TBX15: variants seen among roughly 807,000 people sequenced by gnomAD.
The protein encoded by TBX15 is T-box transcription factor TBX15.
A neutral mutation model predicts 53.9 loss-of-function variants in TBX15; 18 were observed. The ratio of observed to expected loss-of-function variants is 0.33; its 90% CI spans 0.23 to 0.49. TBX15 has a LOEUF of 0.49. Ranked by LOEUF, TBX15 falls within the 20% of genes least tolerant of loss-of-function variation. The pLI is 0.98. For synonymous variants in TBX15, 295 were observed against 278.0 expected, an observed-to-expected ratio of 1.06 and a Z score of -0.61; for missense variants, 692 against 749.5, an observed-to-expected ratio of 0.92 and a Z score of 0.90.
At position 118,988,104 on chromosome 1, in the gene TBX15, C is replaced by G. The variant is rs1657905184; in HGVS notation, c.-309G>C. 8 of 456,636 alleles carry G rather than the reference C, an allele frequency of 1.8e-5. No individual in the cohort carries two copies. In the South Asian group the frequency reaches 2.5e-4, roughly 15 times the overall value. 28.3% of individuals were successfully genotyped at this position (456,636 alleles called of 1,614,324 possible). ...CGGGGCAGGCGCTCACAGACTGTGTCCACTGAACTTCATCTTGTTTTTGTT... is the reference window on the plus strand; with the variant it reads ...CGGGGCAGGCGCTCACAGACTGTGTGCACTGAACTTCATCTTGTTTTTGTT... On this transcript the variant is annotated 5_prime_UTR_variant, in exon 1 of 8. Transcript: ENST00000369429.
chr1:118,953,638 T>C (rs1656589003), intron 1 of TBX15, among the ~76,000 whole-genome samples: 1 of 152,240 alleles, frequency 6.6e-6, no homozygotes, highest in African/African-American at 2.4e-5. Context: ...CATATGGGAA[T>C]TATCTGAAAC....
chr1:118,920,689 A>G (rs1655396941), intron 5 of TBX15, among the ~76,000 whole-genome samples: 4 of 152,196 alleles, frequency 2.6e-5, no homozygotes, highest in Non-Finnish European at 2.9e-5. Context: ...CTTGTGAGAC[A>G]TTAAGCTTGC....
chr1:118,941,280 C>A (rs1037039102), intron 1 of TBX15, among the ~76,000 whole-genome samples: 2 of 152,164 alleles, frequency 1.3e-5, no homozygotes, highest in Non-Finnish European at 2.9e-5. Context: ...AGAATGTTCC[C>A]ACTGAGCACC....
chr1:118,959,802 T>C (rs1050065969), intron 1 of TBX15, among the ~76,000 whole-genome samples: 1 of 152,172 alleles, frequency 6.6e-6, no homozygotes, highest in Non-Finnish European at 1.5e-5. Context: ...ATAAATTCAG[T>C]ACATCCAAAG....
At chr1:118,890,885 C>A in intron 7 of TBX15, 1 of 1,303,840 alleles carries the variant, frequency 7.7e-7, no homozygotes, top group Non-Finnish European at 1.0e-6. Flanking sequence ...ATGAGCCAGA[C>A]TCTTCTCTCG....
upstream of TBX15, among the ~76,000 whole-genome samples, chr1:118,989,102 C>T (rs1657952143): frequency 6.6e-6 from 1 of 152,210 alleles, no homozygotes; most frequent in African/African-American, 2.4e-5. Context: ...CTGCGCTTCG[C>T]CTGTTCCGGG....
chr1:118,885,194 T>A lies in TBX15; in HGVS notation c.1347A>T (p.Gly449=), dbSNP rs1276627292. 1 of 1,614,160 alleles carries A rather than the reference T, an allele frequency of 6.2e-7. No homozygotes were observed. The highest frequency in any genetic ancestry group is 2.2e-5 in the East Asian group (1 of 44,866). The stretch of plus-strand genomic sequence containing the variant: ...CAGGCAACGAGGGAGGAGTTGGTAT[T>A]CCTGAGATCAGGGATGGAGTCCTCT... The part of the protein sequence containing the change: ...MPQRTPSLIS[G]IPTPPSLPGN... The change falls in exon 8 of 8, where the codon GGA becomes GGT. Residue 449 remains glycine (G), a synonymous_variant. Coordinates refer to ENST00000369429, the MANE Select transcript of TBX15 (RefSeq NM_001330677.2).
chr1:118,890,344 T>C (rs1654096672), intron 7 of TBX15, among the ~76,000 whole-genome samples: 2 of 152,278 alleles, frequency 1.3e-5, no homozygotes, highest in Admixed American at 6.5e-5. Context: ...CTGGTGTTTT[T>C]CCCACTATCC....
At chr1:118,961,480 G>A (rs960709454) in intron 1 of TBX15, among the ~76,000 whole-genome samples, 1 of 152,104 alleles carries the variant, frequency 6.6e-6, no homozygotes, top group African/African-American at 2.4e-5. Flanking sequence ...AGTGCATGAG[G>A]GGAAGGGAGA....
chr1:118,893,448 AGAAGGAAGGAAGGAAAGAAAG>A (rs1387564734), intron 7 of TBX15, among the ~76,000 whole-genome samples: 1 of 137,572 alleles, frequency 7.3e-6, no homozygotes, highest in Non-Finnish European at 1.6e-5. Context: ...AAGGAAGGAA[AGAAGGAAGGAAGGAAAGAAAG>A]GAAGGAAGGA....
intron 6 of TBX15, among the ~76,000 whole-genome samples, chr1:118,900,685 C>A (rs1654599884): frequency 6.6e-6 from 1 of 152,162 alleles, no homozygotes; most frequent in South Asian, 2.1e-4. Context: ...AGTCACTCTA[C>A]ATTAATGTTG....
intron 6 of TBX15, among the ~76,000 whole-genome samples, chr1:118,903,251 A>T (rs564982350): frequency 6.6e-6 from 1 of 152,302 alleles, no homozygotes; most frequent in East Asian, 1.9e-4. Flanking sequence ...AGAAAGAGGA[A>T]GAAGAGAAAG....
intron 2 of TBX15, among the ~76,000 whole-genome samples, chr1:118,930,635 C>T (rs139489086): frequency 4.7e-4 from 71 of 152,314 alleles, no homozygotes; most frequent in Admixed American, 3.3e-3. Context: ...AGGCTTGTCT[C>T]GAACTCCTGA....
intron 1 of TBX15, among the ~76,000 whole-genome samples, chr1:118,941,531 C>T (rs1656176866): frequency 6.6e-6 from 1 of 152,120 alleles, no homozygotes; most frequent in Admixed American, 6.6e-5. Flanking sequence ...CATAGAAAAC[C>T]ATCCCGTTTA....
At chr1:118,894,878 T>C (rs1335621649) in intron 7 of TBX15, among the ~76,000 whole-genome samples, 1 of 152,162 alleles carries the variant, frequency 6.6e-6, no homozygotes, top group Non-Finnish European at 1.5e-5. Flanking sequence ...TTCATGATTA[T>C]AGTGCAGAAT....
At chr1:118,936,524 G>C (rs1655971808) in intron 1 of TBX15, among the ~76,000 whole-genome samples, 1 of 151,906 alleles carries the variant, frequency 6.6e-6, no homozygotes, top group South Asian at 2.1e-4. Flanking sequence ...TACCATGGGG[G>C]GTGGGGGTAT....
At chr1:118,886,059 G>A (rs1174951426) in intron 7 of TBX15, among the ~76,000 whole-genome samples, 1 of 152,204 alleles carries the variant, frequency 6.6e-6, no homozygotes, top group African/African-American at 2.4e-5. Flanking sequence ...GGAAGACAGT[G>A]CCAAGTCAAA....
intron 6 of TBX15, among the ~76,000 whole-genome samples, chr1:118,909,148 C>T (rs1654942965): frequency 6.6e-6 from 1 of 152,196 alleles, no homozygotes; most frequent in Non-Finnish European, 1.5e-5. Flanking sequence ...TGGGGCTCCC[C>T]TTGGGGTCTT....
intron 1 of TBX15, among the ~76,000 whole-genome samples, chr1:118,940,594 G>C (rs1171519319): frequency 2.0e-5 from 3 of 151,780 alleles, no homozygotes; most frequent in Non-Finnish European, 2.9e-5. Context: ...AAAAGTTTTT[G>C]ATGGTCCTAA....
Sources: gnomAD v4.1 joint callset for allele counts (sites outside exome capture counted in the v4.1 genomes callset) on GRCh38, gnomAD v4.1.1 for gene constraint, MANE v1.5 for transcripts, NCBI Gene and HGNC (gene_info 2026-07-23, HGNC 2026-07-21) for gene names.